The following ORM2 variants were observed in gnomAD, a reference collection of about 807,000 sequenced individuals.
The protein encoded by ORM2 is orosomucoid 2, also known as alpha-1-acid glycoprotein 2.
A neutral mutation model predicts 26.8 loss-of-function variants in ORM2; 19 were observed. The observed-to-expected ratio is 0.71, with a 90% confidence interval of 0.49 to 1.04. The LOEUF is 1.04. ORM2 is among the 50% of genes least tolerant of loss of function. The probability of loss-of-function intolerance (pLI) is 0.00; values close to 1 mark genes in which losing one functional copy is unlikely to be tolerated. For missense variants in ORM2, 259 were observed against 244.9 expected (o/e 1.06, Z -0.39); for synonymous variants, 94 against 100.0 (o/e 0.94, Z 0.36).
At chr9:114,331,009 A>T (rs1325254169) in intron 3 of ORM2, 147 bp downstream of exon 3, 1 of 643,704 alleles carries the variant, frequency 1.6e-6, no homozygotes, top group Non-Finnish European at 2.7e-6. Flanking sequence ...GCTCAGAAAA[A>T]ATCCCTAAGA....
chr9:114,330,848 C>T lies in ORM2; in HGVS notation c.314C>T (p.Thr105Ile). 6.2e-7 allele frequency: 1 copy of T among 1,613,838 alleles called. No individual in the cohort carries two copies. Among genetic ancestry groups the T allele is most frequent in the Non-Finnish European group, 8.5e-7 (1 of 1,179,906 alleles). ...SYLNVQRENG[T>I]VSRYEGGREH... is the part of the protein sequence containing the mutation. ...CTGAATGTCCAGCGGGAGAATGGGA[C>T]CGTCTCCAGATACGGTGAGGGCCAG... is the stretch of plus-strand genomic sequence containing the variant. The change falls in exon 3 of 6, where the codon ACC becomes ATC. Residue 105 changes from threonine to isoleucine, a missense_variant. By Grantham distance (89) the Thr-to-Ile change is moderately conservative. This residue lies in a region of ORM2 where 251 missense variants were observed against 220.5 expected (regional missense o/e 1.14). Transcript: ENST00000431067.
intron 1 of ORM2, 131 bp downstream of exon 1, chr9:114,330,149 G>T: frequency 6.5e-7 from 1 of 1,545,006 alleles, no homozygotes; most frequent in South Asian, 1.2e-5. Context: ...GGTCCCCAGG[G>T]TGAAATTCTC....
rs745636133 is a variant in ORM2 at position 114,331,647 on chromosome 9, G to A, written c.409G>A (p.Glu137Lys). 16 of 1,613,794 alleles carry A rather than the reference G, an allele frequency of 9.9e-6. No individual in the cohort carries two copies. The highest frequency in any genetic ancestry group is 1.1e-5 in the South Asian group (1 of 91,072). The change falls in exon 4 of 6, where the codon GAG becomes AAG. Residue 137 changes from glutamate (E) to lysine (K), a missense_variant. Physicochemically the swap from Glu to Lys is moderately conservative, Grantham distance 56. Around this residue, in one of 2 missense-constraint regions of ORM2, gnomAD observed 251 missense variants for 220.5 expected, o/e 1.14. Transcript: ENST00000431067. ...GATGTTTGGTTCCTACCTGGACGAT[G>A]AGAAGAACTGGGGGCTGTCTTTCTA... is the stretch of plus-strand genomic sequence containing the variant. ...TLMFGSYLDDEKNWGLSFYAD... is the reference protein window; with the variant it reads ...TLMFGSYLDDKKNWGLSFYAD...
At position 114,330,816 on chromosome 9, in the gene ORM2, C is replaced by T; in HGVS notation, c.282C>T (p.Ser94=). The T allele has an allele frequency of 6.2e-7, 1 of 1,614,012 alleles. No homozygotes were observed. The highest frequency in any genetic ancestry group is 8.5e-7 in the Non-Finnish European group (1 of 1,179,992). ...QTRQNQCFYN[S]SYLNVQRENG... is the part of the protein sequence containing the mutation. ...GCCAGAACCAGTGCTTCTATAACTC[C>T]AGTTACCTGAATGTCCAGCGGGAGA... is the stretch of plus-strand genomic sequence containing the variant. Residue 94 remains serine (S), a synonymous_variant, in exon 3 of 6, where the codon TCC becomes TCT. Coordinates refer to ENST00000431067, the MANE Select transcript of ORM2 (RefSeq NM_000608.4).
intron 5 of ORM2, among the ~76,000 whole-genome samples, chr9:114,332,220 C>A (rs1357982293): frequency 6.6e-6 from 1 of 151,846 alleles, no homozygotes; most frequent in South Asian, 2.1e-4. Flanking sequence ...GGACGTAATG[C>A]GGGGAGTTAC....
intron 2 of ORM2, 78 bp from the exon 3 acceptor site, chr9:114,330,714 C>A (rs1370035095): frequency 4.4e-6 from 7 of 1,598,222 alleles, no homozygotes; most frequent in Non-Finnish European, 6.0e-6. Flanking sequence ...AGACTCTTGC[C>A]CCGGGACTGT....
In ORM2 at chr9:114,331,556, T is replaced by C. The variant is rs1405087223; in HGVS notation, c.329-11T>C. 6.2e-6 allele frequency: 10 copies of C among 1,609,678 alleles called. No homozygotes were observed. The highest frequency in any genetic ancestry group is 5.1e-6 in the Non-Finnish European group (6 of 1,176,748). On this transcript the variant is annotated splice_polypyrimidine_tract_variant and intron_variant, in intron 3 of 5. Transcript: ENST00000431067. ...CCATGTTCTCACCCAGAGGCTCTTT[T>C]TCTCTTCCAGAGGGAGGCCGAGAAC...
rs555323089 is a variant in ORM2 at position 114,331,690 on chromosome 9, A to G, written c.436+16A>G. On this transcript the variant is annotated intron_variant, in intron 4 of 5. Coordinates refer to ENST00000431067, the MANE Select transcript of ORM2 (RefSeq NM_000608.4). ...TCTTTCTATGGTAGGCATGCTTAGC[A>G]GCCCCAAACTCATGCCCCTCTCAGG... The G allele has an allele frequency of 6.2e-7, 1 of 1,607,718 alleles. No homozygotes were observed. Among genetic ancestry groups the G allele is most frequent in the Non-Finnish European group, 8.5e-7 (1 of 1,174,712 alleles).
chr9:114,331,189 G>A (rs1336580030), intron 3 of ORM2, among the ~76,000 whole-genome samples: 1 of 152,108 alleles, frequency 6.6e-6, no homozygotes, highest in Non-Finnish European at 1.5e-5. Flanking sequence ...GTAGAAGCCT[G>A]TATGTTGGAG....
At chr9:114,330,995 A>G (rs981712837) in intron 3 of ORM2, 133 bp downstream of exon 3, 74 of 684,826 alleles carry the variant, frequency 1.1e-4, no homozygotes, top group Non-Finnish European at 1.7e-4. Context: ...AGCTCTTACC[A>G]CGTGCTCAGA....
chr9:114,332,536 A>C (rs1044604747), intron 5 of ORM2, among the ~76,000 whole-genome samples: 1 of 152,140 alleles, frequency 6.6e-6, no homozygotes, highest in African/African-American at 2.4e-5. Context: ...CAGTACTTCC[A>C]TGACTATTCA....
chr9:114,331,232 G>A (rs919252672), intron 3 of ORM2, among the ~76,000 whole-genome samples: 26 of 152,026 alleles, frequency 1.7e-4, no homozygotes, highest in African/African-American at 5.6e-4. Context: ...CCCCATCACC[G>A]CAGAGGTGGC....
chr9:114,330,147 G>A (rs1395375289), intron 1 of ORM2, 129 bp downstream of exon 1: 4 of 1,550,704 alleles, frequency 2.6e-6, no homozygotes, highest in Admixed American at 1.9e-5. Context: ...TGGGTCCCCA[G>A]GGTGAAATTC....
chr9:114,331,514 G>C (rs1316991377), intron 3 of ORM2, 53 bp from the exon 4 acceptor site: 34 of 1,444,166 alleles, frequency 2.4e-5, no homozygotes, highest in Non-Finnish European at 3.3e-5. Flanking sequence ...CTGTAAGACA[G>C]GCACCATTGT....
intron 3 of ORM2, 134 bp downstream of exon 3, chr9:114,330,996 C>A: frequency 2.9e-6 from 2 of 682,114 alleles, no homozygotes; most frequent in Admixed American, 2.8e-5. Context: ...GCTCTTACCA[C>A]GTGCTCAGAA....
Position 114,329,983 on chromosome 9 carries a change from G to C in ORM2, c.79G>C (p.Val27Leu), listed in dbSNP as rs755873204. ...EAQIPLCANLVPVPITNATLD... is the reference protein window; with the variant it reads ...EAQIPLCANLLPVPITNATLD... ...CCAGATCCCATTGTGTGCCAACCTA[G>C]TACCGGTGCCCATCACCAACGCCAC... The change falls in exon 1 of 6, where the codon GTA (valine) becomes CTA (leucine). Residue 27 changes from valine to leucine, a missense_variant. Physicochemically the swap from Val to Leu is conservative, Grantham distance 32 (BLOSUM62 1). Coordinates refer to ENST00000431067, the MANE Select transcript of ORM2 (RefSeq NM_000608.4). 17 of 1,578,034 alleles carry C rather than the reference G, an allele frequency of 1.1e-5. No individual in the cohort carries two copies. In the Admixed American group the frequency reaches 3.0e-4, roughly 28 times the overall value.
chr9:114,332,241 C>T (rs1258451517), intron 5 of ORM2, among the ~76,000 whole-genome samples: 3 of 151,980 alleles, frequency 2.0e-5, no homozygotes, highest in African/African-American at 2.4e-5. Context: ...CACCTACAGA[C>T]GCGTCCCAAA....
chr9:114,331,316 C>T (rs1440184205), intron 3 of ORM2, among the ~76,000 whole-genome samples: 1 of 152,098 alleles, frequency 6.6e-6, no homozygotes, highest in Non-Finnish European at 1.5e-5. Context: ...CCTCATTTTC[C>T]TCCTCTGTAA....
chr9:114,331,899 G>A lies in ORM2; in HGVS notation c.510G>A (p.Arg170=). The A allele has an allele frequency of 6.2e-7, 1 of 1,613,852 alleles. No individual in the cohort carries two copies. The highest frequency in any genetic ancestry group is 1.7e-5 in the Admixed American group (1 of 60,018). The change falls in exon 5 of 6, where the codon AGG becomes AGA. Residue 170 remains arginine (R), a synonymous_variant. Coordinates refer to ENST00000431067, the MANE Select transcript of ORM2 (RefSeq NM_000608.4). ...YEALDCLCIP[R]SDVMYTDWKK... ...CTCTCGACTGCTTGTGCATTCCCAG[G>A]TCAGATGTCATGTACACCGACTGGA...
Sources: gnomAD v4.1 joint callset for allele counts (sites outside exome capture counted in the v4.1 genomes callset) on GRCh38, gnomAD v4.1.1 for gene constraint, gnomAD v4.1.1 regional missense constraint, MANE v1.5 for transcripts, NCBI Gene and HGNC (gene_info 2026-07-23, HGNC 2026-07-21) for gene names.